Variants in ARSL observed in about 807,000 individuals in gnomAD.
ARSL encodes arylsulfatase E (chondrodysplasia punctata 1).
ARSL carries 4 observed loss-of-function variants against 31.1 expected under a neutral mutation model. The observed-to-expected ratio is 0.13, with a 90% confidence interval of 0.06 to 0.29. ARSL has a LOEUF of 0.29. ARSL is among the 10% of genes least tolerant of loss of function. The pLI, the probability that ARSL is intolerant of heterozygous loss-of-function variation, is 1.00. For synonymous variants in ARSL, 198 were observed against 209.9 expected (o/e 0.94, Z 0.49); for missense variants, 312 against 497.8 (o/e 0.63, Z 3.55).
At chrX:2,962,445 A>G (rs908617556) in intron 1 of ARSL, among the ~76,000 whole-genome samples, 1 of 111,027 alleles carries the variant, frequency 9.0e-6, no homozygotes, top group African/African-American at 3.3e-5. Flanking sequence ...GACACACTGG[A>G]GCCAGCAGGC....
intron 2 of ARSL, chrX:2,959,699 A>G (rs1484130475): frequency 9.6e-6 from 11 of 1,145,441 alleles, no homozygotes; most frequent in Non-Finnish European, 1.3e-5. Context: ...CACGGGTCTC[A>G]TGCTTCATTC....
chrX:2,949,958 G>A, intron 5 of ARSL, among the ~76,000 whole-genome samples: 1 of 111,933 alleles, frequency 8.9e-6, no homozygotes, highest in Non-Finnish European at 1.9e-5. Context: ...ACCCGTGACA[G>A]GTGGAACAAA....
chrX:2,956,962 C>T (rs760562503), intron 3 of ARSL, among the ~76,000 whole-genome samples: 1 of 107,236 alleles, frequency 9.3e-6, no homozygotes, highest in African/African-American at 3.4e-5. Flanking sequence ...TGGCTCACGC[C>T]TGTAATCTCA....
rs377714899 is a variant in ARSL, at chrX:2,960,320, G to GAGAA, written c.23+54_23+57dup. 6.7e-3 allele frequency: 3,658 copies of GAGAA among 546,591 alleles called. 115 individuals carry two copies. In the African/African-American group the frequency reaches 0.08, roughly 12 times the overall value. 45.0% of individuals were successfully genotyped at this position (546,591 alleles called of 1,213,427 possible). ...GAAGAGAAAGAAGGGAAGGAAGGAA[G>GAGAA]AGAAAGAAAGAAAGAAAGAAAGGAG... is the stretch of plus-strand genomic sequence containing the variant. On this transcript the variant is annotated intron_variant, in intron 2 of 10. Transcript: ENST00000381134.
At chrX:2,959,732 A>G (rs1457381476) in intron 2 of ARSL, 2 of 1,138,439 alleles carry the variant, frequency 1.8e-6, no homozygotes, top group Admixed American at 2.8e-5. Context: ...ATAAATCACT[A>G]TCAGTGCATT....
Position 2,960,436 on chromosome X carries a change from A to T in ARSL, c.-20-16T>A. 1.7e-6 allele frequency: 2 copies of T among 1,202,390 alleles called. No individual in the cohort carries two copies. Among genetic ancestry groups the T allele is most frequent in the East Asian group, 3.0e-5 (1 of 33,778 alleles). ...TCTCTACTTCCTGTAAGACATAAAGATGTCCACAATCACATTGACAGCAGA... is the reference window on the plus strand; with the variant it reads ...TCTCTACTTCCTGTAAGACATAAAGTTGTCCACAATCACATTGACAGCAGA... On this transcript the variant is annotated splice_polypyrimidine_tract_variant and intron_variant, in intron 1 of 10. Transcript: ENST00000381134.
chrX:2,945,027 AGGG>A (rs1214271185), intron 7 of ARSL, among the ~76,000 whole-genome samples: 3 of 109,979 alleles, frequency 2.7e-5, no homozygotes, highest in Non-Finnish European at 5.7e-5. Context: ...GAAGAAGAAG[AGGG>A]GGAGGAGGAG....
upstream of ARSL, chrX:2,964,428 C>G: frequency 8.0e-6 from 6 of 752,800 alleles, no homozygotes; most frequent in Non-Finnish European, 9.4e-6. Flanking sequence ...ATGGGGGAAT[C>G]TCAAAGCCAC....
rs1211477154 is a variant in ARSL, at chrX:2,940,736, G to A, written c.1126+2329C>T. On this transcript the variant is annotated intron_variant, in intron 8 of 10. Transcript: ENST00000381134. ...GGATCACTTGAGGTGAGGAGTTTGA[G>A]ACCAGCCTGGGCAACATGGCAAAAC... Among the ~76,000 whole-genome samples the A allele has an allele frequency of 2.7e-5, 3 of 110,199 alleles. No individual in the cohort carries two copies. In the East Asian group the frequency reaches 8.6e-4, roughly 32 times the overall value.
chrX:2,942,090 C>T (rs2089289687), intron 8 of ARSL, among the ~76,000 whole-genome samples: 1 of 111,581 alleles, frequency 9.0e-6, no homozygotes. Context: ...AAAAGCCCCC[C>T]AGGAGTTCTG....
intron 2 of ARSL, chrX:2,959,964 A>C: frequency 4.1e-6 from 1 of 246,657 alleles, no homozygotes; most frequent in Non-Finnish European, 7.1e-6. Flanking sequence ...AGAAAGAAAG[A>C]AAGAGAAAGA....
intron 2 of ARSL, chrX:2,959,588 G>T (rs1303866981): frequency 8.8e-7 from 1 of 1,140,085 alleles, no homozygotes; most frequent in African/African-American, 1.8e-5. Context: ...GCCGATGGTA[G>T]CGGTTGATGC....
chrX:2,945,134 G>A (rs1030285036), intron 7 of ARSL, among the ~76,000 whole-genome samples: 3 of 111,178 alleles, frequency 2.7e-5, no homozygotes, highest in Non-Finnish European at 5.7e-5. Context: ...TACTTTAGGG[G>A]TGCGTCAGGG....
chrX:2,953,062 C>T (rs1339319241), intron 5 of ARSL, 81 bp downstream of exon 5: 15 of 1,111,327 alleles, frequency 1.3e-5, no homozygotes, highest in Non-Finnish European at 1.7e-5. Flanking sequence ...GCACCTCACC[C>T]ACTTTCCTTT....
intron 3 of ARSL, among the ~76,000 whole-genome samples, chrX:2,956,804 G>T (rs140606322): frequency 0.043 from 4,724 of 110,158 alleles, 254 homozygotes; most frequent in African/African-American, 0.15. Flanking sequence ...GAGTGCAGTG[G>T]TCTGATCACA....
chrX:2,949,510 G>A lies in ARSL; in HGVS notation c.648C>T (p.Leu216=). The change falls in exon 6 of 11, where the codon CTC becomes CTT. Residue 216 remains leucine, a synonymous_variant. Transcript: ENST00000381134. ...LVALTLVAGK[L]THLIPVSWMP... ...TCCACGAGACGGGTATCAGGTGTGTGAGCTTCCCTGCTACCAGTGTGAGGG... is the reference window on the plus strand; with the variant it reads ...TCCACGAGACGGGTATCAGGTGTGTAAGCTTCCCTGCTACCAGTGTGAGGG... The A allele has an allele frequency of 8.3e-7, 1 of 1,211,427 alleles. No individual in the cohort carries two copies. Among genetic ancestry groups the A allele is most frequent in the Non-Finnish European group, 1.1e-6 (1 of 895,418 alleles).
At chrX:2,937,794 G>A (rs2089223732) in intron 9 of ARSL, among the ~76,000 whole-genome samples, 1 of 111,715 alleles carries the variant, frequency 9.0e-6, no homozygotes, top group Non-Finnish European at 1.9e-5. Context: ...ATGGATGCAC[G>A]CTTACATGTG....
chrX:2,950,495 GA>G (rs1252796307), intron 5 of ARSL, among the ~76,000 whole-genome samples: 1 of 111,679 alleles, frequency 9.0e-6, no homozygotes, highest in Non-Finnish European at 1.9e-5. Context: ...TATGTGTCAA[GA>G]GTGGAGCCAG....
upstream of ARSL, among the ~76,000 whole-genome samples, chrX:2,966,777 G>A (rs998035890): frequency 1.9e-5 from 2 of 107,683 alleles, no homozygotes; most frequent in South Asian, 3.8e-4. Context: ...GTACATATAC[G>A]TACACATCTA....
Sources: gnomAD v4.1 joint callset for allele counts (sites outside exome capture counted in the v4.1 genomes callset) on GRCh38, gnomAD v4.1.1 for gene constraint, MANE v1.5 for transcripts, NCBI Gene and HGNC (gene_info 2026-07-23, HGNC 2026-07-21) for gene names.